The following POLR1A variants were observed in gnomAD, a reference collection of about 807,000 sequenced individuals.
The protein encoded by POLR1A is DNA-directed RNA polymerase I subunit RPA1.
Under a neutral mutation model 205.3 loss-of-function variants are expected in POLR1A, and 84 were observed. That is an observed-to-expected ratio of 0.41 (90% CI 0.34 to 0.49). POLR1A has a LOEUF of 0.49. Ranked by LOEUF, POLR1A falls within the 20% of genes least tolerant of loss-of-function variation. The probability of loss-of-function intolerance (pLI) is 0.22; values close to 1 mark genes in which losing one functional copy is unlikely to be tolerated. For synonymous variants in POLR1A, 799 were observed against 863.7 expected (o/e 0.93, Z 1.31); for missense variants, 1,645 against 2,204.5 (o/e 0.75, Z 5.08).
intron 27 of POLR1A, among the ~76,000 whole-genome samples, chr2:86,035,203 ACG>A (rs1225748886): frequency 2.6e-5 from 4 of 152,206 alleles, no homozygotes; most frequent in Non-Finnish European, 5.9e-5. Context: ...TTAAAGGTGT[ACG>A]TGGTTTGCCC....
chr2:86,105,662 A>C (rs1337183738), intron 1 of POLR1A, 38 bp downstream of exon 1: 3 of 1,455,160 alleles, frequency 2.1e-6, no homozygotes, highest in Non-Finnish European at 2.9e-6. Flanking sequence ...GCCGACCTCA[A>C]GATCCAGGCT....
chr2:86,076,361 C>A (rs1365830852), intron 11 of POLR1A, among the ~76,000 whole-genome samples: 1 of 152,206 alleles, frequency 6.6e-6, no homozygotes, highest in African/African-American at 2.4e-5. Context: ...ATGCACTTAC[C>A]ACCCATCACC....
rs1573830252 is a variant in POLR1A at position 86,084,707 on chromosome 2, C to T, written c.731-1539G>A. 6.7e-5 allele frequency among the ~76,000 whole-genome samples: 10 copies of T among 149,744 alleles called. No homozygotes were observed. The South Asian group carries it at 1.3e-3, about 19-fold the overall frequency. On this transcript the variant is annotated intron_variant, in intron 6 of 33. Coordinates refer to ENST00000263857, the MANE Select transcript of POLR1A (RefSeq NM_015425.6). Reference sequence around the variant, plus strand: ...TTTCAAGACGGAGTCTTGCTCGTCACCCAGGCTGGAGTGCAGCGGCACGAT... The same window carrying T: ...TTTCAAGACGGAGTCTTGCTCGTCATCCAGGCTGGAGTGCAGCGGCACGAT...
chr2:86,039,418 G>C lies in POLR1A; in HGVS notation c.3785C>G (p.Pro1262Arg). 1 of 1,613,988 alleles carries C rather than the reference G, an allele frequency of 6.2e-7. No individual in the cohort carries two copies. Among genetic ancestry groups the C allele is most frequent in the Non-Finnish European group, 8.5e-7 (1 of 1,179,946 alleles). The change falls in exon 26 of 34, where the codon CCC (proline) becomes CGC (arginine). Residue 1262 changes from proline (P) to arginine (R), a missense_variant. Pro to Arg is a moderately radical substitution (Grantham distance 103). Coordinates refer to ENST00000263857, the MANE Select transcript of POLR1A (RefSeq NM_015425.6). ...GTTGAGCACGGGCACGCTCATCATG[G>C]GTGTCTTGATGTTGGCGCTGGCCAC... ...LMVASANIKT[P>R]MMSVPVLNTK...
chr2:86,040,218 C>T, intron 25 of POLR1A, 174 bp downstream of exon 25: 1 of 508,326 alleles, frequency 2.0e-6, no homozygotes, highest in Non-Finnish European at 3.3e-6. Context: ...CCAAAGAAAC[C>T]AGCTGGGCTC....
chr2:86,031,189 C>T, intron 30 of POLR1A, 141 bp downstream of exon 30: 1 of 1,275,040 alleles, frequency 7.8e-7, no homozygotes, highest in Non-Finnish European at 1.0e-6. Flanking sequence ...GGAGGCCTGG[C>T]TGTGCTCTGA....
chr2:86,031,286 G>T, intron 30 of POLR1A, 44 bp downstream of exon 30: 6 of 1,512,020 alleles, frequency 4.0e-6, no homozygotes, highest in Non-Finnish European at 5.3e-6. Context: ...GATTTGGCCA[G>T]CTGGACCAAC....
At chr2:86,079,210 G>A (rs1046437436) in intron 9 of POLR1A, among the ~76,000 whole-genome samples, 1 of 152,220 alleles carries the variant, frequency 6.6e-6, no homozygotes, top group African/African-American at 2.4e-5. Context: ...AGGGAAAATA[G>A]ATGTATTCTA....
At position 86,098,719 on chromosome 2, in the gene POLR1A, G is replaced by A. The variant is rs757408411; in HGVS notation, c.324C>T (p.His108=). The change falls in exon 3 of 34, where the codon CAC becomes CAT. Residue 108 remains histidine, a synonymous_variant. Transcript: ENST00000263857. The part of the protein sequence containing the change: ...LLLRGSCLNC[H]MLTCPRAVIH... Reference sequence around the variant, plus strand: ...TCACGGCCCGGGGACAAGTCAGCATGTGGCAGTTTAAACAAGAGCCCCGAA... The same window carrying A: ...TCACGGCCCGGGGACAAGTCAGCATATGGCAGTTTAAACAAGAGCCCCGAA... 9.9e-6 allele frequency: 16 copies of A among 1,613,942 alleles called. No homozygotes were observed. The highest frequency in any genetic ancestry group is 1.2e-5 in the Non-Finnish European group (14 of 1,179,988).
intron 6 of POLR1A, among the ~76,000 whole-genome samples, chr2:86,086,183 T>A (rs1558783148): frequency 6.6e-6 from 1 of 152,014 alleles, no homozygotes; most frequent in African/African-American, 2.4e-5. Flanking sequence ...CTCAGCCTCC[T>A]GAGTAGCTGG....
At chr2:86,047,471 G>A (rs1385921043) in intron 18 of POLR1A, among the ~76,000 whole-genome samples, 1 of 152,192 alleles carries the variant, frequency 6.6e-6, no homozygotes, top group Non-Finnish European at 1.5e-5. Context: ...TCCCTGCCCT[G>A]CACTCGCTGG....
At chr2:86,037,406 T>C (rs1474019045) in intron 27 of POLR1A, among the ~76,000 whole-genome samples, 1 of 152,186 alleles carries the variant, frequency 6.6e-6, no homozygotes, top group Non-Finnish European at 1.5e-5. Flanking sequence ...CCATCCCAAA[T>C]GCCACCTGCA....
chr2:86,085,597 G>A (rs1272448886), intron 6 of POLR1A, among the ~76,000 whole-genome samples: 1 of 152,146 alleles, frequency 6.6e-6, no homozygotes, highest in Admixed American at 6.5e-5. Context: ...AAGAAGATCG[G>A]TCGAATCTCC....
chr2:86,049,297 C>T, intron 16 of POLR1A, 55 bp from the exon 17 acceptor site: 1 of 1,274,820 alleles, frequency 7.8e-7, no homozygotes, highest in Middle Eastern at 2.1e-4. Context: ...TTTCTCCCAC[C>T]AGACTAAACT....
chr2:86,027,735 G>T, intron 33 of POLR1A, 150 bp downstream of exon 33: 1 of 883,726 alleles, frequency 1.1e-6, no homozygotes, highest in Non-Finnish European at 1.8e-6. Flanking sequence ...TGTCGTGTCT[G>T]CTGTTCAGCC....
intron 19 of POLR1A, among the ~76,000 whole-genome samples, 196 bp downstream of exon 19, chr2:86,046,969 T>A (rs192677981): frequency 6.6e-6 from 1 of 152,362 alleles, no homozygotes; most frequent in Non-Finnish European, 1.5e-5. Flanking sequence ...GTTATACATA[T>A]CCCATCTGCA....
In POLR1A at chr2:86,047,228, T is replaced by C. The variant is rs749836002; in HGVS notation, c.2670A>G (p.Pro890=). The change falls in exon 19 of 34, where the codon CCA becomes CCG. Residue 890 remains proline, a synonymous_variant. Transcript: ENST00000263857. Reference sequence around the variant, plus strand: ...GCACCATCATCTGCAGGCTGTTCTCTGGGAACTGTCTGTGTAGGCCAAAAG... The same window carrying C: ...GCACCATCATCTGCAGGCTGTTCTCCGGGAACTGTCTGTGTAGGCCAAAAG... ...CMPFGLHRQF[P]ENSLQMMVQS... is the part of the protein sequence containing the mutation. 3 of 1,614,124 alleles carry C rather than the reference T, an allele frequency of 1.9e-6. No individual in the cohort carries two copies. Among genetic ancestry groups the C allele is most frequent in the South Asian group, 1.1e-5 (1 of 91,078 alleles).
chr2:86,030,699 A>G (rs1672370189), intron 30 of POLR1A, among the ~76,000 whole-genome samples: 1 of 152,226 alleles, frequency 6.6e-6, no homozygotes, highest in African/African-American at 2.4e-5. Flanking sequence ...AAGGCAGGGT[A>G]CACGTTGTTT....
At chr2:86,088,917 G>T in intron 4 of POLR1A, 47 bp from the exon 5 acceptor site, 1 of 1,327,524 alleles carries the variant, frequency 7.5e-7, no homozygotes, top group Non-Finnish European at 1.1e-6. Context: ...CCATTTTGAA[G>T]AGAATCCAAT....
Sources: gnomAD v4.1 joint callset for allele counts (sites outside exome capture counted in the v4.1 genomes callset) on GRCh38, gnomAD v4.1.1 for gene constraint, MANE v1.5 for transcripts, NCBI Gene and HGNC (gene_info 2026-07-23, HGNC 2026-07-21) for gene names.